The following ELAVL2 variants were observed in gnomAD, a reference collection of about 807,000 sequenced individuals.
The protein encoded by ELAVL2 is ELAV-like protein 2.
In ELAVL2, 4 loss-of-function variants were observed where a neutral mutation model predicts 34.6. The observed-to-expected ratio is 0.12, with a 90% confidence interval of 0.06 to 0.26. The LOEUF is 0.26. Ranked by LOEUF, ELAVL2 falls within the 10% of genes least tolerant of loss-of-function variation. The probability of loss-of-function intolerance (pLI) is 1.00; values close to 1 mark genes in which losing one functional copy is unlikely to be tolerated. For synonymous variants in ELAVL2, 193 were observed against 154.8 expected, an observed-to-expected ratio of 1.25 and a Z score of -1.83; for missense variants, 432 against 442.8, an observed-to-expected ratio of 0.98 and a Z score of 0.22.
intron 2 of ELAVL2, among the ~76,000 whole-genome samples, chr9:23,750,209 C>T (rs1481154862): frequency 6.6e-6 from 1 of 152,038 alleles, no homozygotes; most frequent in Admixed American, 6.6e-5. Context: ...CCATATTCTA[C>T]TTTTAAGTAG....
intron 4 of ELAVL2, 129 bp downstream of exon 4, chr9:23,704,780 AGCAGAAAAT>A: frequency 1.0e-5 from 11 of 1,069,796 alleles, no homozygotes; most frequent in Non-Finnish European, 1.5e-5. Flanking sequence ...GAACAATTCC[AGCAGAAAAT>A]TGCATTTTCT....
intron 1 of ELAVL2, among the ~76,000 whole-genome samples, chr9:23,788,303 A>T (rs2059937246): frequency 6.6e-6 from 1 of 152,196 alleles, no homozygotes; most frequent in Non-Finnish European, 1.5e-5. Flanking sequence ...AGCATTTGCC[A>T]TCCTAAGTCT....
chr9:23,776,971 A>G (rs990768055), intron 1 of ELAVL2, among the ~76,000 whole-genome samples: 3 of 152,178 alleles, frequency 2.0e-5, no homozygotes, highest in Non-Finnish European at 2.9e-5. Flanking sequence ...AGCAGGCTGA[A>G]GTTTTCCTGA....
chr9:23,748,764 T>G (rs2051150082), intron 2 of ELAVL2, among the ~76,000 whole-genome samples: 1 of 152,050 alleles, frequency 6.6e-6, no homozygotes, highest in African/African-American at 2.4e-5. Flanking sequence ...GGTTGGTCCC[T>G]AAAGCCACTT....
At chr9:23,710,713 C>T (rs1022388334) in intron 3 of ELAVL2, among the ~76,000 whole-genome samples, 1 of 152,152 alleles carries the variant, frequency 6.6e-6, no homozygotes, top group South Asian at 2.1e-4. Context: ...TTTAAACGGA[C>T]AGTTAATTGC....
chr9:23,768,791 C>T (rs1288583800), intron 1 of ELAVL2, among the ~76,000 whole-genome samples: 2 of 152,120 alleles, frequency 1.3e-5, no homozygotes, highest in Non-Finnish European at 2.9e-5. Flanking sequence ...GGTCCAACTT[C>T]AGGAAAATGG....
intron 1 of ELAVL2, among the ~76,000 whole-genome samples, chr9:23,778,749 C>G (rs2058618913): frequency 6.6e-6 from 1 of 152,102 alleles, no homozygotes; most frequent in Non-Finnish European, 1.5e-5. Flanking sequence ...TAGACCTAAT[C>G]ATCTGTGAAA....
chr9:23,786,307 T>G (rs2059673314), intron 1 of ELAVL2, among the ~76,000 whole-genome samples: 1 of 152,180 alleles, frequency 6.6e-6, no homozygotes, highest in African/African-American at 2.4e-5. Flanking sequence ...AGATCTAATT[T>G]ATATTGAGAT....
intron 3 of ELAVL2, among the ~76,000 whole-genome samples, chr9:23,723,666 A>C (rs1475539637): frequency 6.6e-6 from 1 of 152,132 alleles, no homozygotes; most frequent in Non-Finnish European, 1.5e-5. Context: ...AACACATTTG[A>C]ACATGTGGTT....
the ELAVL2 span, among the ~76,000 whole-genome samples, chr9:23,838,597 T>C: frequency 2.0e-5 from 3 of 152,174 alleles, no homozygotes; most frequent in African/African-American, 7.2e-5. Context: ...AATTGCCTAA[T>C]ATTAATTATA....
At chr9:23,723,601 A>G (rs16907652) in intron 3 of ELAVL2, among the ~76,000 whole-genome samples, 4,031 of 152,012 alleles carry the variant, frequency 0.027, 110 homozygotes, top group East Asian at 0.13. Flanking sequence ...ATTTTTGGCC[A>G]TCCAGATCAG....
At chr9:23,719,183 C>G (rs7038303) in intron 3 of ELAVL2, among the ~76,000 whole-genome samples, 6,249 of 152,194 alleles carry the variant, frequency 0.041, 419 homozygotes, top group African/African-American at 0.14. Flanking sequence ...AGAATCCCGT[C>G]CTGAGATATT....
chr9:23,718,087 T>C (rs1331087658), intron 3 of ELAVL2, among the ~76,000 whole-genome samples: 2 of 152,136 alleles, frequency 1.3e-5, no homozygotes, highest in Non-Finnish European at 2.9e-5. Flanking sequence ...TTGTTATGGT[T>C]CCATATAATA....
Position 23,726,781 on chromosome 9 carries a change from G to T in ELAVL2, c.333+4241C>A, listed in dbSNP as rs1028376479. On this transcript the variant is annotated intron_variant, in intron 3 of 6. Transcript: ENST00000397312. ...TTAACCTAACAAGTCAAAAGTATTG[G>T]CTTTAAGCCATAAAAATTCCACATA... 1.3e-5 allele frequency among the ~76,000 whole-genome samples: 2 copies of T among 149,658 alleles called. 1 individual carries two copies. Among genetic ancestry groups the T allele is most frequent in the South Asian group, 4.3e-4 (2 of 4,660 alleles).
At chr9:23,776,781 G>A (rs935050201) in intron 1 of ELAVL2, among the ~76,000 whole-genome samples, 17 of 148,722 alleles carry the variant, frequency 1.1e-4, no homozygotes, top group African/African-American at 4.2e-4. Flanking sequence ...AATCACTGCT[G>A]CTATGGAAAC....
At chr9:23,790,396 C>G (rs781449783) in intron 1 of ELAVL2, among the ~76,000 whole-genome samples, 30 of 152,102 alleles carry the variant, frequency 2.0e-4, no homozygotes, top group Non-Finnish European at 4.1e-4. Flanking sequence ...ACAGGTAAAG[C>G]CAAAATATAT....
At chr9:23,768,056 T>C (rs566722560) in intron 1 of ELAVL2, among the ~76,000 whole-genome samples, 27 of 152,080 alleles carry the variant, frequency 1.8e-4, no homozygotes, top group Non-Finnish European at 3.2e-4. Flanking sequence ...CTCCAAAAGG[T>C]CCCTCTCTCC....
chr9:23,770,937 A>T (rs1486964131), intron 1 of ELAVL2, among the ~76,000 whole-genome samples: 1 of 152,228 alleles, frequency 6.6e-6, no homozygotes, highest in African/African-American at 2.4e-5. Context: ...AGGAGATAAC[A>T]GGGAGAGTAG....
At chr9:23,798,333 T>C (rs904287018) in intron 1 of ELAVL2, among the ~76,000 whole-genome samples, 2 of 152,218 alleles carry the variant, frequency 1.3e-5, no homozygotes, top group African/African-American at 4.8e-5. Context: ...TACTGTGCAC[T>C]CTGAAGCCAG....
Sources: allele counts gnomAD v4.1 joint callset (sites outside exome capture counted in the v4.1 genomes callset), GRCh38; gene constraint gnomAD v4.1.1; transcripts MANE v1.5; gene names NCBI Gene and HGNC (gene_info 2026-07-23, HGNC 2026-07-21).